Variants in CEP112 observed in about 807,000 individuals in gnomAD.
The protein encoded by CEP112 is centrosomal protein 112, also known as centrosomal protein of 112 kDa.
Under a neutral mutation model 153.0 loss-of-function variants are expected in CEP112, and 127 were observed. That is an observed-to-expected ratio of 0.83 (90% CI 0.72 to 0.96). The LOEUF (loss-of-function observed/expected upper bound fraction) is 0.96. Ranked by LOEUF, CEP112 falls within the 40% of genes least tolerant of loss-of-function variation. The probability of loss-of-function intolerance (pLI) is 0.00; values close to 1 mark genes in which losing one functional copy is unlikely to be tolerated. For missense variants in CEP112, 1,089 were observed against 1,101.2 expected (o/e 0.99, Z 0.16); for synonymous variants, 358 against 374.4 (o/e 0.96, Z 0.51).
At chr17:65,996,608 G>A (rs561464066) in intron 17 of CEP112, among the ~76,000 whole-genome samples, 1 of 152,250 alleles carries the variant, frequency 6.6e-6, no homozygotes, top group Admixed American at 6.5e-5. Flanking sequence ...AGAGTCCACT[G>A]TCTCTTACAT....
chr17:66,097,028 T>A (rs2068375363), intron 6 of CEP112, among the ~76,000 whole-genome samples: 1 of 152,180 alleles, frequency 6.6e-6, no homozygotes, highest in Non-Finnish European at 1.5e-5. Context: ...ACCTATTTGT[T>A]CTTACAGTCG....
intron 6 of CEP112, among the ~76,000 whole-genome samples, chr17:66,103,796 A>G (rs1328516963): frequency 6.6e-6 from 1 of 152,182 alleles, no homozygotes; most frequent in Non-Finnish European, 1.5e-5. Context: ...GCTACATGGC[A>G]TGAAGAGAGA....
chr17:66,159,550 G>A (rs1478350962), intron 4 of CEP112, among the ~76,000 whole-genome samples: 1 of 152,084 alleles, frequency 6.6e-6, no homozygotes, highest in Admixed American at 6.5e-5. Flanking sequence ...TTCAACATAT[G>A]CAAATCAATA....
chr17:65,671,972 A>T (rs1057301324), intron 24 of CEP112, among the ~76,000 whole-genome samples: 1 of 152,224 alleles, frequency 6.6e-6, no homozygotes, highest in African/African-American at 2.4e-5. Flanking sequence ...ATTAATAAAT[A>T]AGGATGAAAT....
intron 20 of CEP112, among the ~76,000 whole-genome samples, chr17:65,885,011 C>T (rs905163848): frequency 5.3e-5 from 8 of 151,896 alleles, no homozygotes; most frequent in Admixed American, 1.3e-4. Flanking sequence ...CCATCGCGCC[C>T]GGCCTAGTTT....
intron 23 of CEP112, among the ~76,000 whole-genome samples, chr17:65,722,277 C>G (rs1233076352): frequency 1.3e-5 from 2 of 151,660 alleles, no homozygotes; most frequent in African/African-American, 4.8e-5. Flanking sequence ...GAGATAGAGT[C>G]TCCCTTTGTT....
chr17:66,095,695 G>C (rs899638187), intron 8 of CEP112, among the ~76,000 whole-genome samples: 1 of 152,164 alleles, frequency 6.6e-6, no homozygotes, highest in African/African-American at 2.4e-5. Flanking sequence ...TGATAAGTCT[G>C]TGAGGTGATT....
At chr17:66,149,180 T>G (rs879260851) in intron 4 of CEP112, among the ~76,000 whole-genome samples, 2 of 152,236 alleles carry the variant, frequency 1.3e-5, no homozygotes, top group Non-Finnish European at 2.9e-5. Flanking sequence ...AAGTTACGAA[T>G]AAATCTCATT....
intron 18 of CEP112, among the ~76,000 whole-genome samples, chr17:65,937,781 T>G (rs1373735994): frequency 1.5e-5 from 1 of 68,686 alleles, no homozygotes. Flanking sequence ...CCGCCCCGTC[T>G]GGGAGGGGGG....
At chr17:65,995,148 G>C (rs1555754461) in intron 17 of CEP112, among the ~76,000 whole-genome samples, 1 of 128,248 alleles carries the variant, frequency 7.8e-6, no homozygotes, top group Non-Finnish European at 1.6e-5. Flanking sequence ...TGGAAAGGCT[G>C]AAGAGTTCTT....
chr17:65,796,501 C>A (rs1189996234), intron 21 of CEP112, among the ~76,000 whole-genome samples: 1 of 152,086 alleles, frequency 6.6e-6, no homozygotes, highest in African/African-American at 2.4e-5. Flanking sequence ...ATTTAAATTT[C>A]TTCTACGTAG....
At chr17:65,637,768 G>C (rs138778565) in intron 25 of CEP112, among the ~76,000 whole-genome samples, 3 of 152,308 alleles carry the variant, frequency 2.0e-5, no homozygotes, top group East Asian at 3.9e-4. Flanking sequence ...TCTTGGGCAG[G>C]AATGACTTTT....
chr17:65,774,627 G>A (rs972476171), intron 21 of CEP112, among the ~76,000 whole-genome samples: 2 of 152,134 alleles, frequency 1.3e-5, no homozygotes, highest in Non-Finnish European at 2.9e-5. Flanking sequence ...GGGGATAATC[G>A]ATGTCTCCGT....
chr17:66,069,816 G>A, intron 9 of CEP112, 99 bp downstream of exon 9: 1 of 643,410 alleles, frequency 1.6e-6, no homozygotes, highest in Non-Finnish European at 2.6e-6. Context: ...ATAAGTGGAT[G>A]GATGGTTGGA....
At chr17:66,162,917 C>G (rs1448958418) in intron 4 of CEP112, among the ~76,000 whole-genome samples, 1 of 151,794 alleles carries the variant, frequency 6.6e-6, no homozygotes, top group African/African-American at 2.4e-5. Context: ...TAACATTTTA[C>G]CAAAAGACAA....
In CEP112 at chr17:65,770,244, T is replaced by G. The variant is rs551049462; in HGVS notation, c.2395-19520A>C. ...AAGAAAAGAAATAAATATAAAATCT[T>G]ATAAGAAGCCAGAGAAAACAGATAC... On this transcript the variant is annotated intron_variant, in intron 21 of 26. Transcript: ENST00000535342. 2.9e-4 allele frequency among the ~76,000 whole-genome samples: 44 copies of G among 151,946 alleles called. 1 individual carries two copies. In the South Asian group the frequency reaches 9.1e-3, roughly 32 times the overall value.
At chr17:66,165,628 A>G (rs1388699200) in intron 4 of CEP112, among the ~76,000 whole-genome samples, 2 of 152,240 alleles carry the variant, frequency 1.3e-5, no homozygotes, top group Non-Finnish European at 2.9e-5. Flanking sequence ...ATTCTTTTGC[A>G]TGCCCAGACT....
At chr17:66,034,810 C>T (rs1356198056) in intron 12 of CEP112, among the ~76,000 whole-genome samples, 3 of 150,576 alleles carry the variant, frequency 2.0e-5, no homozygotes, top group African/African-American at 4.9e-5. Flanking sequence ...TTTTTGTTTT[C>T]GTTTTTGTTT....
At chr17:65,713,810 G>C (rs2049335970) in intron 23 of CEP112, among the ~76,000 whole-genome samples, 1 of 151,892 alleles carries the variant, frequency 6.6e-6, no homozygotes, top group South Asian at 2.1e-4. Flanking sequence ...GGATGGTCTC[G>C]ATCTCCTGAC....
Sources: gnomAD v4.1 joint callset for allele counts (sites outside exome capture counted in the v4.1 genomes callset) on GRCh38, gnomAD v4.1.1 for gene constraint, MANE v1.5 for transcripts, NCBI Gene and HGNC (gene_info 2026-07-23, HGNC 2026-07-21) for gene names.